The following WDR25 variants were observed in gnomAD, a reference collection of about 807,000 sequenced individuals.
The protein encoded by WDR25 is WD repeat domain 25.
WDR25 carries 35 observed loss-of-function variants against 47.7 expected under a neutral mutation model. The ratio of observed to expected loss-of-function variants is 0.73; its 90% confidence interval spans 0.56 to 0.97. WDR25 has a LOEUF of 0.97. Ranked by LOEUF, WDR25 falls within the 50% of genes least tolerant of loss-of-function variation. WDR25 has a pLI of 0.00. For missense variants in WDR25, 634 were observed against 704.7 expected (o/e 0.90, Z 1.14); for synonymous variants, 248 against 278.9 (o/e 0.89, Z 1.10).
chr14:100,464,181 G>A (rs1899523666), intron 2 of WDR25, among the ~76,000 whole-genome samples: 1 of 152,108 alleles, frequency 6.6e-6, no homozygotes, highest in Non-Finnish European at 1.5e-5. Context: ...CCTTCTTGCT[G>A]TTGCTTGACC....
In WDR25 at chr14:100,514,216, G is replaced by A. The variant is rs1369244283; in HGVS notation, c.1102-11654G>A. On this transcript the variant is annotated intron_variant, in intron 4 of 6. Coordinates refer to ENST00000402312, the MANE Select transcript of WDR25 (RefSeq NM_001161476.3). ...CTCCCAAAGTGCTGGGATTACAAGC[G>A]TGAGCCACCGCGCCCGGCCCTTTTT... Among the ~76,000 whole-genome samples the A allele has an allele frequency of 3.9e-5, 6 of 152,256 alleles. No homozygotes were observed. In the South Asian group the frequency reaches 1.0e-3, roughly 26 times the overall value.
At chr14:100,485,023 C>T (rs986313954) in intron 4 of WDR25, among the ~76,000 whole-genome samples, 2 of 152,202 alleles carry the variant, frequency 1.3e-5, no homozygotes, top group African/African-American at 4.8e-5. Flanking sequence ...AAATGATCCT[C>T]CTTGGCCTGG....
chr14:100,377,559 C>A (rs1206567625), intron 1 of WDR25, among the ~76,000 whole-genome samples: 2 of 151,984 alleles, frequency 1.3e-5, no homozygotes, highest in Non-Finnish European at 2.9e-5. Context: ...ATCCGCCCTT[C>A]TCGGCCTCCT....
Position 100,468,167 on chromosome 14 carries a change from A to G in WDR25, c.969A>G (p.Thr323=). The change falls in exon 3 of 7, where the codon ACA becomes ACG. Residue 323 remains threonine, a splice_region_variant and synonymous_variant. Transcript: ENST00000402312. This position sits in a 1 kb window ranked among gnomAD's most constrained non-coding sequence, Gnocchi z 4.5. ...CGCTGCACCTAACAGACCTTGAAAC[A>G]GGTGCGTTTCTTGTGTCACCTCCCT... ...DFALHLTDLE[T]GTQLFSGRSD... 6.2e-7 allele frequency: 1 copy of G among 1,611,024 alleles called. No homozygotes were observed. The highest frequency in any genetic ancestry group is 1.1e-5 in the South Asian group (1 of 90,924).
In WDR25 at chr14:100,484,120, G is replaced by A. The variant is rs1475257471; in HGVS notation, c.1097G>A (p.Gly366Asp). ...ATGAAAGCTTGGGATATAAGGACTG[G>A]CAAGGTAATAGCCATATTCCTAACT... ...SEMKAWDIRT[G>D]KVMRSYKATI... The change falls in exon 4 of 7, where the codon GGC becomes GAC. Residue 366 changes from glycine to aspartate, a missense_variant. By Grantham distance (94) the Gly-to-Asp change is moderately conservative. Transcript: ENST00000402312. 1 of 1,612,034 alleles carries A rather than the reference G, an allele frequency of 6.2e-7. No homozygotes were observed. The highest frequency in any genetic ancestry group is 1.1e-5 in the South Asian group (1 of 90,464).
At chr14:100,483,744 A>G (rs1184552842) in intron 3 of WDR25, among the ~76,000 whole-genome samples, 1 of 152,056 alleles carries the variant, frequency 6.6e-6, no homozygotes, top group African/African-American at 2.4e-5. Flanking sequence ...TCATCAATCC[A>G]CCCATCTAAG....
chr14:100,414,098 T>C (rs909914066), intron 2 of WDR25, among the ~76,000 whole-genome samples: 3 of 147,516 alleles, frequency 2.0e-5, no homozygotes, highest in Non-Finnish European at 4.5e-5. Context: ...TGGGTTCAAG[T>C]GATTCTTCTG....
intron 4 of WDR25, among the ~76,000 whole-genome samples, chr14:100,486,417 A>G (rs1900384680): frequency 6.6e-6 from 1 of 152,206 alleles, no homozygotes; most frequent in Non-Finnish European, 1.5e-5. Context: ...CTCTCCCAAG[A>G]TAGTAATGTG....
Position 100,529,792 on chromosome 14 carries a change from T to G in WDR25, c.1414-28T>G. ...TCACCCCGGCTTGACAGGTGCGGCT[T>G]GCTCACCCACTGTGTCCCTCTCTGC... On this transcript the variant is annotated intron_variant, in intron 6 of 6. Transcript: ENST00000402312. This position sits in a 1 kb window ranked among gnomAD's most constrained non-coding sequence, Gnocchi z 5.1. The G allele has an allele frequency of 6.2e-7, 1 of 1,603,916 alleles. No homozygotes were observed.
At chr14:100,477,366 C>T (rs546369524) in intron 3 of WDR25, among the ~76,000 whole-genome samples, 1 of 152,330 alleles carries the variant, frequency 6.6e-6, no homozygotes, top group South Asian at 2.1e-4. Context: ...ACAGTTTTTA[C>T]ACTGGTTTAG....
At chr14:100,454,318 G>A in intron 2 of WDR25, 1 of 1,236,926 alleles carries the variant, frequency 8.1e-7, no homozygotes, top group Non-Finnish European at 1.1e-6. Flanking sequence ...TGGGTGTGGA[G>A]AAGATTTTGA....
intron 2 of WDR25, 93 bp downstream of exon 2, chr14:100,381,839 T>G (rs1389852571): frequency 9.6e-7 from 1 of 1,041,524 alleles, no homozygotes. Flanking sequence ...AGGCTGAACT[T>G]TTTTTTGTGT....
At position 100,449,103 on chromosome 14, in the gene WDR25, C is replaced by A. The variant is rs560526584; in HGVS notation, c.823-18918C>A. Among the ~76,000 whole-genome samples the A allele has an allele frequency of 5.9e-5, 9 of 152,306 alleles. No homozygotes were observed. Among genetic ancestry groups the A allele is most frequent in the Non-Finnish European group, 1.2e-4 (8 of 68,038 alleles). ...ACTTTCCCACTGTAGCTGTTTACAACCCCCTAAGCCCTTGGGATGTGCTTG... is the reference window on the plus strand; with the variant it reads ...ACTTTCCCACTGTAGCTGTTTACAAACCCCTAAGCCCTTGGGATGTGCTTG... On this transcript the variant is annotated intron_variant, in intron 2 of 6. Coordinates refer to ENST00000402312, the MANE Select transcript of WDR25 (RefSeq NM_001161476.3). The surrounding 1 kb of genome is among the most constrained non-coding windows in gnomAD (Gnocchi z 4.2).
rs1369391557 is a variant in WDR25, at chr14:100,376,662, A to G, written c.-16+167A>G. On this transcript the variant is annotated intron_variant, in intron 1 of 6. Transcript: ENST00000402312. ...GGACCAACCTTACTTCTTACTATTG[A>G]CAGCTCAGCTAACTCCTATTCATCC... is the stretch of plus-strand genomic sequence containing the variant. 12 of 1,231,488 alleles carry G rather than the reference A, an allele frequency of 9.7e-6. No homozygotes were observed. The African/African-American group carries it at 1.7e-4, about 18-fold the overall frequency. 76.3% of individuals were successfully genotyped at this position (1,231,488 alleles called of 1,614,324 possible). A position where few individuals can be genotyped will look rare whatever the true frequency, so the allele number is the denominator to read the frequency against.
At chr14:100,507,552 A>G (rs533743291) in intron 4 of WDR25, among the ~76,000 whole-genome samples, 35 of 151,088 alleles carry the variant, frequency 2.3e-4, no homozygotes, top group African/African-American at 7.8e-4. Flanking sequence ...ATGGTTTTCT[A>G]TTTGTTTGTG....
intron 2 of WDR25, among the ~76,000 whole-genome samples, chr14:100,384,247 T>C (rs1331748453): frequency 6.6e-6 from 1 of 152,282 alleles, no homozygotes; most frequent in African/African-American, 2.4e-5. Flanking sequence ...AGGGCTTTTA[T>C]AAGCCATAGA....
chr14:100,439,548 A>G (rs923615725), intron 2 of WDR25, among the ~76,000 whole-genome samples: 2 of 152,198 alleles, frequency 1.3e-5, no homozygotes, highest in African/African-American at 4.8e-5. Context: ...TTAACTTGCA[A>G]ACCTAATGCC....
At chr14:100,405,168 C>CT (rs35414565) in intron 2 of WDR25, among the ~76,000 whole-genome samples, 91,167 of 146,252 alleles carry the variant, frequency 0.62, 29,678 homozygotes, top group South Asian at 0.83. Flanking sequence ...TCTGCCCCAT[C>CT]TTTTTTTTTT....
chr14:100,389,836 ACTGGGGAG>A (rs1897099625), intron 2 of WDR25, among the ~76,000 whole-genome samples: 1 of 152,160 alleles, frequency 6.6e-6, no homozygotes, highest in South Asian at 2.1e-4. Flanking sequence ...GGATTGGGGC[ACTGGGGAG>A]CTCGGCCCCC....
Sources: gnomAD v4.1 joint callset for allele counts (sites outside exome capture counted in the v4.1 genomes callset) on GRCh38, gnomAD v4.1.1 for gene constraint, Gnocchi (gnomAD v3.1) non-coding constraint, MANE v1.5 for transcripts, NCBI Gene and HGNC (gene_info 2026-07-23, HGNC 2026-07-21) for gene names.